The following FHIT variants were observed in gnomAD, a reference collection of about 807,000 sequenced individuals.
FHIT encodes the protein fragile histidine triad diadenosine triphosphatase.
A neutral mutation model predicts 17.9 loss-of-function variants in FHIT; 19 were observed. The observed-to-expected ratio is 1.06, with a 90% confidence interval of 0.74 to 1.56. FHIT has a LOEUF of 1.56. Ranked by LOEUF, FHIT falls within the 40% of genes most tolerant of loss-of-function variation. FHIT has a pLI of 0.00. For synonymous variants in FHIT, 81 were observed against 69.7 expected, an observed-to-expected ratio of 1.16 and a Z score of -0.81; for missense variants, 248 against 189.2, an observed-to-expected ratio of 1.31 and a Z score of -1.82.
intron 5 of FHIT, among the ~76,000 whole-genome samples, chr3:60,428,776 T>C (rs1702768751): frequency 6.6e-6 from 1 of 152,146 alleles, no homozygotes; most frequent in African/African-American, 2.4e-5. Context: ...ATAAATGTCA[T>C]CACTGAGATC....
chr3:60,187,797 T>G (rs954706360), intron 5 of FHIT, among the ~76,000 whole-genome samples: 1 of 152,192 alleles, frequency 6.6e-6, no homozygotes, highest in Non-Finnish European at 1.5e-5. Context: ...ATTCATTCAT[T>G]TGCATCTCTC....
chr3:60,622,348 T>C (rs534012378), intron 4 of FHIT, among the ~76,000 whole-genome samples: 7 of 151,992 alleles, frequency 4.6e-5, no homozygotes, highest in Non-Finnish European at 7.4e-5. Flanking sequence ...TGTGGATTTT[T>C]TGAAACGTAC....
chr3:60,374,036 G>T (rs778553523), intron 5 of FHIT, among the ~76,000 whole-genome samples: 67 of 152,056 alleles, frequency 4.4e-4, no homozygotes, highest in Non-Finnish European at 1.0e-4. Context: ...TAATGGTTTT[G>T]GTTCCTCTTG....
intron 4 of FHIT, among the ~76,000 whole-genome samples, chr3:60,710,948 C>G (rs2107934579): frequency 6.6e-6 from 1 of 152,342 alleles, no homozygotes; most frequent in East Asian, 1.9e-4. Flanking sequence ...AGCTGGAGAT[C>G]TGAGAATGGG....
intron 5 of FHIT, among the ~76,000 whole-genome samples, chr3:60,289,390 C>A (rs546311688): frequency 1.3e-5 from 2 of 152,202 alleles, no homozygotes; most frequent in East Asian, 1.9e-4. Context: ...ATCGAAAGGA[C>A]CTTTAATTTA....
intron 4 of FHIT, among the ~76,000 whole-genome samples, chr3:60,563,796 G>T (rs1485331185): frequency 6.6e-6 from 1 of 152,206 alleles, no homozygotes; most frequent in East Asian, 1.9e-4. Context: ...AGCTAGCAGA[G>T]ATTGGTCATG....
At chr3:60,792,394 T>G (rs1256472688) in intron 4 of FHIT, among the ~76,000 whole-genome samples, 3 of 152,190 alleles carry the variant, frequency 2.0e-5, no homozygotes, top group Non-Finnish European at 4.4e-5. Flanking sequence ...ACAGTTAAAA[T>G]CATGCTGTCG....
intron 8 of FHIT, among the ~76,000 whole-genome samples, chr3:59,763,937 C>G (rs138929393): frequency 8.5e-5 from 13 of 152,202 alleles, no homozygotes; most frequent in Non-Finnish European, 2.9e-5. Flanking sequence ...ATGATTCTTT[C>G]AGTCACATCA....
chr3:60,502,621 A>AT (rs2034568291), intron 5 of FHIT, among the ~76,000 whole-genome samples: 1 of 152,150 alleles, frequency 6.6e-6, no homozygotes, highest in Non-Finnish European at 1.5e-5. Flanking sequence ...TCATTTGATA[A>AT]TTTTTTATTT....
At chr3:60,350,127 T>A (rs1031395326) in intron 5 of FHIT, among the ~76,000 whole-genome samples, 1 of 152,132 alleles carries the variant, frequency 6.6e-6, no homozygotes, top group African/African-American at 2.4e-5. Context: ...CATACCTACA[T>A]CAGGAGTGAA....
chr3:61,110,951 C>G (rs1226347139), intron 2 of FHIT, among the ~76,000 whole-genome samples: 1 of 152,154 alleles, frequency 6.6e-6, no homozygotes, highest in African/African-American at 2.4e-5. Flanking sequence ...GCTAGGAAAA[C>G]AAGTAACTTT....
chr3:60,223,469 G>A (rs1337850387), intron 5 of FHIT, among the ~76,000 whole-genome samples: 2 of 152,068 alleles, frequency 1.3e-5, no homozygotes, highest in African/African-American at 4.8e-5. Flanking sequence ...TTCCTAAGGT[G>A]GTAATCCGAG....
intron 7 of FHIT, among the ~76,000 whole-genome samples, chr3:59,967,322 A>C (rs1028844635): frequency 1.3e-5 from 2 of 152,214 alleles, no homozygotes; most frequent in Non-Finnish European, 2.9e-5. Flanking sequence ...CAAACTAGTA[A>C]CATAGTCGTT....
At chr3:60,521,851 A>C (rs953427427) in intron 5 of FHIT, among the ~76,000 whole-genome samples, 1 of 152,214 alleles carries the variant, frequency 6.6e-6, no homozygotes, top group East Asian at 1.9e-4. Context: ...AGCCATTGGC[A>C]GGCAGAGCTC....
intron 8 of FHIT, among the ~76,000 whole-genome samples, chr3:59,769,075 C>T (rs995110283): frequency 6.6e-6 from 1 of 152,156 alleles, no homozygotes. Context: ...AGCAGAAGGG[C>T]AAATAAAAGG....
chr3:60,194,538 A>G (rs1702538844), intron 5 of FHIT, among the ~76,000 whole-genome samples: 1 of 152,208 alleles, frequency 6.6e-6, no homozygotes, highest in South Asian at 2.1e-4. Context: ...CAAACAATCT[A>G]TGACTAAGAC....
chr3:61,047,104 A>G (rs2033827018), intron 2 of FHIT, among the ~76,000 whole-genome samples: 1 of 151,504 alleles, frequency 6.6e-6, no homozygotes, highest in Admixed American at 6.6e-5. Flanking sequence ...GCCCTCTTTC[A>G]CCAATCCTGT....
intron 5 of FHIT, among the ~76,000 whole-genome samples, chr3:60,244,406 A>G (rs1705287046): frequency 6.6e-6 from 1 of 152,102 alleles, no homozygotes; most frequent in African/African-American, 2.4e-5. Flanking sequence ...TCAGAGCTGT[A>G]GTAAATTAGT....
chr3:61,140,643 G>A (rs2037054513), intron 2 of FHIT, among the ~76,000 whole-genome samples: 1 of 152,126 alleles, frequency 6.6e-6, no homozygotes, highest in Admixed American at 6.6e-5. Flanking sequence ...ATCAAAGCCC[G>A]AAGCTCTTGG....
Sources: allele counts gnomAD v4.1 joint callset (sites outside exome capture counted in the v4.1 genomes callset), GRCh38; gene constraint gnomAD v4.1.1; transcripts MANE v1.5; gene names NCBI Gene and HGNC (gene_info 2026-07-23, HGNC 2026-07-21).